WWOX: variants seen among roughly 807,000 people sequenced by gnomAD.
WWOX encodes the protein WW domain containing oxidoreductase, also known as WW domain-containing oxidoreductase.
Under a neutral mutation model 46.2 loss-of-function variants are expected in WWOX, and 69 were observed. That is an observed-to-expected ratio of 1.49 (90% CI 1.23 to 1.82). WWOX has a LOEUF of 1.82. Among genes scored for constraint, WWOX ranks in the 40% most tolerant of loss-of-function variants. WWOX has a pLI of 0.00. For synonymous variants in WWOX, 359 were observed against 202.6 expected (o/e 1.77, Z -6.56); for missense variants, 919 against 542.6 (o/e 1.69, Z -6.89).
intron 5 of WWOX, among the ~76,000 whole-genome samples, chr16:78,385,008 C>T (rs1459373003): frequency 3.9e-5 from 6 of 152,108 alleles, no homozygotes; most frequent in African/African-American, 1.4e-4. Flanking sequence ...TTGGCACGCA[C>T]CTGTAGTCCC....
chr16:78,819,209 C>T (rs150055778), intron 8 of WWOX, among the ~76,000 whole-genome samples: 195 of 152,246 alleles, frequency 1.3e-3, no homozygotes, highest in African/African-American at 4.5e-3. Flanking sequence ...AAATGAGCCC[C>T]GGCTCAGCAG....
intron 8 of WWOX, among the ~76,000 whole-genome samples, chr16:79,131,406 G>A (rs527438031): frequency 2.6e-4 from 39 of 152,114 alleles, no homozygotes; most frequent in African/African-American, 8.9e-4. Context: ...TCCTGATTCG[G>A]AGGGAAAAAA....
At chr16:79,094,124 A>C (rs920894003) in intron 8 of WWOX, among the ~76,000 whole-genome samples, 1 of 152,190 alleles carries the variant, frequency 6.6e-6, no homozygotes, top group African/African-American at 2.4e-5. Context: ...TGAATGCAGA[A>C]ATACAATTCC....
intron 8 of WWOX, among the ~76,000 whole-genome samples, chr16:79,129,305 G>C (rs542218113): frequency 3.3e-5 from 5 of 150,152 alleles, no homozygotes; most frequent in Admixed American, 1.3e-4. Context: ...GTATAAATGA[G>C]GGGGGCACAC....
chr16:78,261,784 C>A (rs60516753), intron 5 of WWOX, among the ~76,000 whole-genome samples: 10,527 of 48,682 alleles, frequency 0.22, 632 homozygotes, highest in East Asian at 0.52. Flanking sequence ...ATCTATCTAT[C>A]TATCTATATA....
chr16:78,382,047 A>G (rs1056990867), intron 5 of WWOX, among the ~76,000 whole-genome samples: 11 of 152,180 alleles, frequency 7.2e-5, no homozygotes, highest in South Asian at 4.2e-4. Flanking sequence ...GCTTTTTTAT[A>G]TGGCCCATAT....
At chr16:79,064,086 A>G (rs1472486213) in intron 8 of WWOX, among the ~76,000 whole-genome samples, 2 of 152,236 alleles carry the variant, frequency 1.3e-5, no homozygotes, top group East Asian at 1.9e-4. Context: ...CTACAGCAAC[A>G]TGTCTAGTGT....
At chr16:78,684,978 G>T (rs1460658341) in intron 8 of WWOX, among the ~76,000 whole-genome samples, 1 of 152,118 alleles carries the variant, frequency 6.6e-6, no homozygotes, top group Non-Finnish European at 1.5e-5. Flanking sequence ...GCCTCTTTGG[G>T]GAGTGTTCTC....
At chr16:78,774,783 C>G (rs1379243916) in intron 8 of WWOX, among the ~76,000 whole-genome samples, 1 of 152,150 alleles carries the variant, frequency 6.6e-6, no homozygotes, top group Non-Finnish European at 1.5e-5. Flanking sequence ...TGGCACATGG[C>G]ATTGTTCTGA....
At chr16:78,911,448 T>G (rs1440304684) in intron 8 of WWOX, among the ~76,000 whole-genome samples, 2 of 151,978 alleles carry the variant, frequency 1.3e-5, no homozygotes, top group East Asian at 1.9e-4. Flanking sequence ...GACATTAAAG[T>G]GCTAGAAATG....
intron 5 of WWOX, among the ~76,000 whole-genome samples, chr16:78,198,790 A>G (rs898648598): frequency 1.6e-4 from 24 of 152,162 alleles, no homozygotes; most frequent in Non-Finnish European, 1.5e-5. Flanking sequence ...AACATTTTAT[A>G]TATATATATA....
intron 8 of WWOX, among the ~76,000 whole-genome samples, chr16:78,507,742 C>G (rs1002879713): frequency 1.3e-5 from 2 of 152,140 alleles, no homozygotes; most frequent in Non-Finnish European, 2.9e-5. Context: ...GGAGGAAACA[C>G]AGTCTTACTG....
At chr16:79,182,485 C>G (rs944675580) in intron 8 of WWOX, among the ~76,000 whole-genome samples, 1 of 151,902 alleles carries the variant, frequency 6.6e-6, no homozygotes, top group African/African-American at 2.4e-5. Flanking sequence ...TCTGAGAATG[C>G]AGTGATTCTT....
chr16:78,828,242 G>T (rs951415902), intron 8 of WWOX, among the ~76,000 whole-genome samples: 1 of 152,180 alleles, frequency 6.6e-6, no homozygotes, highest in Non-Finnish European at 1.5e-5. Flanking sequence ...CAGTGGCAAA[G>T]ACAATGACAA....
chr16:78,416,904 C>T (rs1030506998), intron 6 of WWOX, among the ~76,000 whole-genome samples: 4 of 152,152 alleles, frequency 2.6e-5, no homozygotes, highest in Non-Finnish European at 5.9e-5. Flanking sequence ...GGTGAACTAA[C>T]TGGCCATGAG....
intron 8 of WWOX, among the ~76,000 whole-genome samples, chr16:78,960,935 C>T (rs1286322253): frequency 6.6e-6 from 1 of 152,116 alleles, no homozygotes; most frequent in East Asian, 1.9e-4. Flanking sequence ...GCTTTGGGTC[C>T]CAAATTATCT....
intron 8 of WWOX, among the ~76,000 whole-genome samples, chr16:79,135,391 G>A (rs1035695516): frequency 1.3e-5 from 2 of 151,796 alleles, no homozygotes; most frequent in African/African-American, 4.8e-5. Context: ...CTTTTAAAAG[G>A]CTGCCTGTTA....
intron 8 of WWOX, among the ~76,000 whole-genome samples, chr16:78,801,992 G>C (rs549955562): frequency 6.6e-6 from 1 of 152,128 alleles, no homozygotes; most frequent in Non-Finnish European, 1.5e-5. Flanking sequence ...TAACCGAGAT[G>C]ATGTGTGGAA....
At chr16:78,799,805 G>A (rs1299085458) in intron 8 of WWOX, among the ~76,000 whole-genome samples, 1 of 152,202 alleles carries the variant, frequency 6.6e-6, no homozygotes, top group Non-Finnish European at 1.5e-5. Flanking sequence ...CTTTGGCTGT[G>A]TTGACAGAAG....
Sources: gnomAD v4.1 joint callset for allele counts (sites outside exome capture counted in the v4.1 genomes callset) on GRCh38, gnomAD v4.1.1 for gene constraint, MANE v1.5 for transcripts, NCBI Gene and HGNC (gene_info 2026-07-23, HGNC 2026-07-21) for gene names.